Variants in TMCC1 observed in about 807,000 individuals in gnomAD.
TMCC1 encodes transmembrane and coiled-coil domain family 1, also known as transmembrane and coiled-coil domains protein 1.
In TMCC1, 15 loss-of-function variants were observed where a neutral mutation model predicts 52.4. The ratio of observed to expected loss-of-function variants is 0.29; its 90% CI spans 0.19 to 0.44. The LOEUF is 0.44. Ranked by LOEUF, TMCC1 falls within the 20% of genes least tolerant of loss-of-function variation. The pLI is 1.00. For synonymous variants in TMCC1, 279 were observed against 301.9 expected, an observed-to-expected ratio of 0.92 and a Z score of 0.79; for missense variants, 503 against 806.0, an observed-to-expected ratio of 0.62 and a Z score of 4.55.
At chr3:129,793,829 A>G (rs1467887580) in intron 4 of TMCC1, among the ~76,000 whole-genome samples, 1 of 152,218 alleles carries the variant, frequency 6.6e-6, no homozygotes, top group Admixed American at 6.5e-5. Flanking sequence ...ATACTTCATT[A>G]AGTATTCAAG....
intron 4 of TMCC1, among the ~76,000 whole-genome samples, chr3:129,761,914 C>T (rs1218518238): frequency 7.3e-6 from 1 of 137,850 alleles, no homozygotes; most frequent in Non-Finnish European, 1.5e-5. Context: ...TCTCTTGAAC[C>T]TGGGAGGCAG....
At chr3:129,665,280 A>AAG (rs1331229521) in intron 5 of TMCC1, among the ~76,000 whole-genome samples, 6 of 152,210 alleles carry the variant, frequency 3.9e-5, no homozygotes, top group Non-Finnish European at 7.3e-5. Context: ...TATGTGGGTG[A>AAG]AGAGAGAGAG....
rs2086152647 is a variant in TMCC1, at chr3:129,648,586, A to C, written c.*2895T>G. 6.6e-6 allele frequency: 1 copy of C among 152,206 alleles called. No homozygotes were observed. Among genetic ancestry groups the C allele is most frequent in the African/African-American group, 2.4e-5 (1 of 41,434 alleles). The allele number at this position is 152,206 out of a possible 1,614,324, so 9.4% of individuals were successfully genotyped here. On this transcript the variant is annotated 3_prime_UTR_variant, in exon 7 of 7. Coordinates refer to ENST00000393238, the MANE Select transcript of TMCC1 (RefSeq NM_001017395.5). ...AAAATGCGCATTCTACAACCTGAACAATCACCCAGGCCAACACAGCCAGCT... is the reference window on the plus strand; with the variant it reads ...AAAATGCGCATTCTACAACCTGAACCATCACCCAGGCCAACACAGCCAGCT...
chr3:129,698,167 A>C (rs1463775576), intron 4 of TMCC1, among the ~76,000 whole-genome samples: 1 of 152,154 alleles, frequency 6.6e-6, no homozygotes, highest in Non-Finnish European at 1.5e-5. Flanking sequence ...ATTTATAAAG[A>C]AAAAGAGGTT....
chr3:129,842,384 G>A (rs2059456887), intron 2 of TMCC1, among the ~76,000 whole-genome samples: 1 of 151,958 alleles, frequency 6.6e-6, no homozygotes, highest in Admixed American at 6.6e-5. Context: ...GGGAATCACT[G>A]CAACTTGGGA....
intron 4 of TMCC1, among the ~76,000 whole-genome samples, chr3:129,757,389 T>G (rs1052155603): frequency 6.6e-6 from 1 of 152,180 alleles, no homozygotes; most frequent in Non-Finnish European, 1.5e-5. Context: ...TTCTTCTCTC[T>G]CATGCATTTT....
At chr3:129,798,228 T>G (rs2056969920) in intron 4 of TMCC1, among the ~76,000 whole-genome samples, 1 of 151,916 alleles carries the variant, frequency 6.6e-6, no homozygotes, top group South Asian at 2.1e-4. Context: ...ACTCCTGACC[T>G]CAGGTGATCC....
chr3:129,737,020 G>A (rs1055435913), intron 4 of TMCC1, among the ~76,000 whole-genome samples: 7 of 152,072 alleles, frequency 4.6e-5, no homozygotes, highest in Non-Finnish European at 7.4e-5. Context: ...AATTACATAT[G>A]ATCCTCCACA....
At chr3:129,720,893 A>G (rs1434647748) in intron 4 of TMCC1, among the ~76,000 whole-genome samples, 1 of 151,594 alleles carries the variant, frequency 6.6e-6, no homozygotes, top group African/African-American at 2.4e-5. Flanking sequence ...AGCTCTCACT[A>G]TGTTGCTCAC....
intron 2 of TMCC1, among the ~76,000 whole-genome samples, chr3:129,842,108 T>G (rs1577055417): frequency 1.3e-5 from 2 of 151,976 alleles, no homozygotes; most frequent in Admixed American, 1.3e-4. Context: ...TGACAGAAAA[T>G]AAAGACAAAT....
intron 4 of TMCC1, among the ~76,000 whole-genome samples, chr3:129,735,775 C>T (rs938012759): frequency 3.9e-5 from 6 of 152,110 alleles, no homozygotes; most frequent in African/African-American, 1.4e-4. Flanking sequence ...TCTCATGACT[C>T]AAGACAGTAA....
At chr3:129,760,291 C>A (rs1481722031) in intron 4 of TMCC1, among the ~76,000 whole-genome samples, 3 of 152,110 alleles carry the variant, frequency 2.0e-5, no homozygotes, top group Non-Finnish European at 2.9e-5. Context: ...CTTACCGCAG[C>A]CTCGAGCTTC....
chr3:129,712,001 C>CAAA (rs71155567), intron 4 of TMCC1, among the ~76,000 whole-genome samples: 1,018 of 47,636 alleles, frequency 0.021, 144 homozygotes, highest in African/African-American at 0.042. Flanking sequence ...GACTCTGTCT[C>CAAA]AAAAAAAAAA....
intron 4 of TMCC1, among the ~76,000 whole-genome samples, chr3:129,800,813 A>C (rs1016102937): frequency 2.6e-5 from 4 of 152,128 alleles, no homozygotes; most frequent in Admixed American, 6.6e-5. Flanking sequence ...TAAACATCAG[A>C]CATGATTATT....
At chr3:129,866,991 A>G (rs928573281) in intron 2 of TMCC1, 1 of 152,166 alleles carries the variant, frequency 6.6e-6, no homozygotes, top group Non-Finnish European at 1.5e-5. Context: ...ATAGGACAGG[A>G]AAAGTTATTT....
intron 2 of TMCC1, among the ~76,000 whole-genome samples, chr3:129,844,358 A>G (rs574633243): frequency 6.6e-6 from 1 of 152,226 alleles, no homozygotes; most frequent in East Asian, 1.9e-4. Flanking sequence ...AGAAACATAC[A>G]AAGTATGGAC....
At position 129,650,279 on chromosome 3, in the gene TMCC1, A is replaced by AAAAAAAAC. The variant is rs2086245262; in HGVS notation, c.*1201_*1202insGTTTTTTT. ...CACTGGGTGAACGTTTTCTTGGGGC[A>AAAAAAAAC]AAAAAAAAAAAAAAAAATCCCTATC... On this transcript the variant is annotated 3_prime_UTR_variant, in exon 7 of 7. Transcript: ENST00000393238. 1 of 6,782 alleles carries AAAAAAAAC rather than the reference A, an allele frequency of 1.5e-4. No individual in the cohort carries two copies. The highest frequency in any genetic ancestry group is 0.013 in the Non-Finnish European group (1 of 80). 0.4% of individuals were successfully genotyped at this position (6,782 alleles called of 1,614,324 possible). A position where few individuals can be genotyped will look rare whatever the true frequency, so the allele number is the denominator to read the frequency against.
intron 2 of TMCC1, among the ~76,000 whole-genome samples, chr3:129,851,202 T>C (rs2059903143): frequency 1.3e-5 from 2 of 152,174 alleles, no homozygotes; most frequent in Non-Finnish European, 2.9e-5. Context: ...CAAACATGTT[T>C]TGACAGATCC....
At chr3:129,777,343 C>T (rs2055123420) in intron 4 of TMCC1, among the ~76,000 whole-genome samples, 2 of 152,070 alleles carry the variant, frequency 1.3e-5, no homozygotes, top group South Asian at 4.1e-4. Flanking sequence ...GAGTAATCAT[C>T]CTAGTGGAAT....
Sources: allele counts gnomAD v4.1 joint callset (sites outside exome capture counted in the v4.1 genomes callset), GRCh38; gene constraint gnomAD v4.1.1; transcripts MANE v1.5; gene names NCBI Gene and HGNC (gene_info 2026-07-23, HGNC 2026-07-21).